Variants in GLIS1 observed in about 807,000 individuals in gnomAD.
The protein encoded by GLIS1 is zinc finger protein GLIS1.
A neutral mutation model predicts 63.8 loss-of-function variants in GLIS1; 24 were observed. The ratio of observed to expected loss-of-function variants is 0.38; its 90% CI spans 0.27 to 0.53. The LOEUF (loss-of-function observed/expected upper bound fraction) is 0.53, where lower values mean the gene tolerates loss of function less well. Ranked by LOEUF, GLIS1 falls within the 20% of genes least tolerant of loss-of-function variation. The pLI is 0.85. For synonymous variants in GLIS1, 450 were observed against 482.5 expected, an observed-to-expected ratio of 0.93 and a Z score of 0.88; for missense variants, 1,036 against 1,074.1, an observed-to-expected ratio of 0.96 and a Z score of 0.50.
chr1:53,665,471 G>A (rs1646081144), intron 2 of GLIS1, among the ~76,000 whole-genome samples: 1 of 152,216 alleles, frequency 6.6e-6, no homozygotes, highest in Non-Finnish European at 1.5e-5. Context: ...AAAGACATCA[G>A]TGTAGATGAG....
At chr1:53,585,117 G>A (rs1279521520) in intron 4 of GLIS1, among the ~76,000 whole-genome samples, 1 of 151,978 alleles carries the variant, frequency 6.6e-6, no homozygotes, top group Non-Finnish European at 1.5e-5. Context: ...ATAAAGCAAT[G>A]TTGGGCTCAC....
At chr1:53,524,973 C>T (rs780996660) in intron 5 of GLIS1, 86 bp from the exon 6 acceptor site, 4 of 1,002,148 alleles carry the variant, frequency 4.0e-6, no homozygotes, top group Non-Finnish European at 6.1e-6. Flanking sequence ...GGGGAGGTGA[C>T]CAGGCGAGAG....
intron 3 of GLIS1, among the ~76,000 whole-genome samples, chr1:53,597,201 AAAAAAAAAAAC>A (rs1557472019): frequency 2.1e-5 from 3 of 146,022 alleles, no homozygotes; most frequent in Non-Finnish European, 4.5e-5. Context: ...AAAAAAAAAA[AAAAAAAAAAAC>A]ACTACAAAAA....
intron 3 of GLIS1, among the ~76,000 whole-genome samples, chr1:53,597,242 G>C (rs969179016): frequency 6.8e-6 from 1 of 147,368 alleles, no homozygotes; most frequent in Non-Finnish European, 1.5e-5. Context: ...GTGTGGTGGC[G>C]GGCGCCTGTA....
At chr1:53,691,032 C>T (rs1351939530) in intron 2 of GLIS1, among the ~76,000 whole-genome samples, 1 of 152,168 alleles carries the variant, frequency 6.6e-6, no homozygotes, top group Non-Finnish European at 1.5e-5. Context: ...CACATTCCTC[C>T]TCAAGCACTT....
At chr1:53,632,234 C>T (rs1645661618) in intron 2 of GLIS1, among the ~76,000 whole-genome samples, 1 of 135,062 alleles carries the variant, frequency 7.4e-6, no homozygotes, top group Non-Finnish European at 1.6e-5. Context: ...CTGAGTGTGA[C>T]TGAGGGGTAT....
At chr1:53,705,937 G>A (rs1646574743) in intron 2 of GLIS1, among the ~76,000 whole-genome samples, 1 of 152,192 alleles carries the variant, frequency 6.6e-6, no homozygotes, top group Admixed American at 6.5e-5. Flanking sequence ...AACCCTTGCT[G>A]ACCATCTGCT....
chr1:53,628,252 C>T (rs543128352), intron 2 of GLIS1, among the ~76,000 whole-genome samples: 3 of 152,154 alleles, frequency 2.0e-5, no homozygotes, highest in Non-Finnish European at 4.4e-5. Flanking sequence ...TAGTGTGCCC[C>T]AGATGACAGC....
At position 53,696,677 on chromosome 1, in the gene GLIS1, G is replaced by A. The variant is rs79514397; in HGVS notation, c.259+41129C>T. Among the ~76,000 whole-genome samples, 310 of 148,370 alleles carry A rather than the reference G, an allele frequency of 2.1e-3. 2 individuals carry two copies. Among genetic ancestry groups the A allele is most frequent in the African/African-American group, 7.6e-3 (302 of 39,726 alleles). ...TCTCCTTCCCTCCACGTGCCCTTCC[G>A]TGCAGCCAAGCAGAGCTCACTGCTG... On this transcript the variant is annotated intron_variant, in intron 2 of 10. Coordinates refer to ENST00000628545, the MANE Select transcript of GLIS1 (RefSeq NM_001367484.1).
chr1:53,699,571 C>A (rs1474892542), intron 2 of GLIS1, among the ~76,000 whole-genome samples: 1 of 152,170 alleles, frequency 6.6e-6, no homozygotes, highest in Non-Finnish European at 1.5e-5. Context: ...ATCACGTTGG[C>A]ACTCAAAAGT....
At chr1:53,525,891 T>C (rs1373091084) in intron 5 of GLIS1, among the ~76,000 whole-genome samples, 2 of 152,036 alleles carry the variant, frequency 1.3e-5, no homozygotes, top group Non-Finnish European at 2.9e-5. Flanking sequence ...ATGTGCTGGG[T>C]TTGCTCAGTG....
intron 2 of GLIS1, among the ~76,000 whole-genome samples, chr1:53,654,480 T>C (rs1645942785): frequency 6.6e-6 from 1 of 152,106 alleles, no homozygotes; most frequent in African/African-American, 2.4e-5. Context: ...AAGTCTGAGT[T>C]CCGGGGAAGA....
chr1:53,630,695 C>T (rs371955485), intron 2 of GLIS1, among the ~76,000 whole-genome samples: 36 of 152,256 alleles, frequency 2.4e-4, no homozygotes, highest in African/African-American at 8.2e-4. Context: ...TGGGGTTTCA[C>T]CATGTTGGCC....
intron 4 of GLIS1, among the ~76,000 whole-genome samples, chr1:53,536,332 G>GT (rs1434169307): frequency 1.3e-5 from 2 of 152,142 alleles, no homozygotes; most frequent in Non-Finnish European, 2.9e-5. Flanking sequence ...CTTGAAAAAT[G>GT]TAAGAATAGG....
chr1:53,715,910 G>C (rs1465913167), intron 2 of GLIS1, among the ~76,000 whole-genome samples: 1 of 152,204 alleles, frequency 6.6e-6, no homozygotes, highest in Non-Finnish European at 1.5e-5. Context: ...AGGGGGATTA[G>C]ACGCAGGAAG....
chr1:53,724,998 C>A (rs528371567), intron 2 of GLIS1, among the ~76,000 whole-genome samples: 320 of 152,262 alleles, frequency 2.1e-3, no homozygotes, highest in African/African-American at 7.5e-3. Context: ...GTTTTCTCTA[C>A]CCCACCCCAG....
At chr1:53,736,416 T>C (rs1160446181) in intron 2 of GLIS1, among the ~76,000 whole-genome samples, 1 of 152,198 alleles carries the variant, frequency 6.6e-6, no homozygotes, top group East Asian at 1.9e-4. Flanking sequence ...ACAGCCATGA[T>C]TTTTTTAAAC....
At chr1:53,535,104 A>T (rs183219390) in intron 4 of GLIS1, among the ~76,000 whole-genome samples, 9 of 152,218 alleles carry the variant, frequency 5.9e-5, no homozygotes, top group Non-Finnish European at 1.5e-5. Context: ...GAAGGGAAGC[A>T]GGGAGAGGAG....
At chr1:53,676,946 G>T (rs1007642992) in intron 2 of GLIS1, among the ~76,000 whole-genome samples, 2 of 152,172 alleles carry the variant, frequency 1.3e-5, no homozygotes, top group East Asian at 3.9e-4. Context: ...CCGGTCCTGC[G>T]GGCCCTCTGG....
Sources: allele counts gnomAD v4.1 joint callset (sites outside exome capture counted in the v4.1 genomes callset), GRCh38; gene constraint gnomAD v4.1.1; transcripts MANE v1.5; gene names NCBI Gene and HGNC (gene_info 2026-07-23, HGNC 2026-07-21).